Variants in TMEM178B observed in about 807,000 individuals in gnomAD.
TMEM178B encodes the protein transmembrane protein 178B.
Under a neutral mutation model 31.0 loss-of-function variants are expected in TMEM178B, and 5 were observed. The observed-to-expected ratio is 0.16, with a 90% CI of 0.08 to 0.34. The LOEUF is 0.34. Ranked by LOEUF, TMEM178B falls within the 10% of genes least tolerant of loss-of-function variation. TMEM178B has a pLI of 1.00. For missense variants in TMEM178B, 275 were observed against 400.3 expected (o/e 0.69, Z 2.67); for synonymous variants, 164 against 164.0 (o/e 1.00, Z 0.00).
chr7:141,481,275 G>A (rs1039374868), downstream of TMEM178B, among the ~76,000 whole-genome samples: 1 of 152,120 alleles, frequency 6.6e-6, no homozygotes, highest in African/African-American at 2.4e-5. Flanking sequence ...ACAGGTTTAG[G>A]GTCTTTTAAT....
intron 2 of TMEM178B, among the ~76,000 whole-genome samples, chr7:141,373,115 C>T (rs1800148193): frequency 6.6e-6 from 1 of 152,174 alleles, no homozygotes; most frequent in South Asian, 2.1e-4. Flanking sequence ...TTGGGCCTTC[C>T]CCTCAGGACT....
At chr7:141,469,706 T>C (rs112878412) in intron 3 of TMEM178B, among the ~76,000 whole-genome samples, 2,396 of 152,338 alleles carry the variant, frequency 0.016, 69 homozygotes, top group African/African-American at 0.052. Context: ...CAAAAACTTG[T>C]TGTATTAGTT....
At chr7:141,076,012 A>G (rs920098690) in intron 1 of TMEM178B, among the ~76,000 whole-genome samples, 5 of 150,500 alleles carry the variant, frequency 3.3e-5, no homozygotes, top group African/African-American at 1.3e-4. Context: ...GACAGAATCT[A>G]TCTGTTTGTT....
At chr7:141,298,368 C>T (rs536725279) in intron 2 of TMEM178B, among the ~76,000 whole-genome samples, 1 of 152,270 alleles carries the variant, frequency 6.6e-6, no homozygotes, top group East Asian at 1.9e-4. Context: ...TTAATTAGAT[C>T]CCATTTGTCA....
At chr7:141,425,156 G>T (rs1196664650) in intron 2 of TMEM178B, among the ~76,000 whole-genome samples, 1 of 152,226 alleles carries the variant, frequency 6.6e-6, no homozygotes, top group Non-Finnish European at 1.5e-5. Context: ...TGCATAATCA[G>T]TGTTAATTCC....
intron 1 of TMEM178B, among the ~76,000 whole-genome samples, chr7:141,157,909 C>T (rs906592173): frequency 6.6e-6 from 1 of 152,136 alleles, no homozygotes; most frequent in African/African-American, 2.4e-5. Flanking sequence ...CTCTACTGTT[C>T]CCCGCCTCTG....
At chr7:141,347,344 A>C (rs890685352) in intron 2 of TMEM178B, among the ~76,000 whole-genome samples, 2 of 151,942 alleles carry the variant, frequency 1.3e-5, no homozygotes, top group African/African-American at 4.8e-5. Flanking sequence ...TTGTATGCAG[A>C]CTCTAAAGTT....
chr7:141,161,195 G>C (rs1796166131), intron 1 of TMEM178B, among the ~76,000 whole-genome samples: 1 of 152,162 alleles, frequency 6.6e-6, no homozygotes, highest in Non-Finnish European at 1.5e-5. Flanking sequence ...AAGGGGAAGA[G>C]AGATGTAAGG....
intron 2 of TMEM178B, among the ~76,000 whole-genome samples, chr7:141,263,036 A>C (rs1453138332): frequency 6.6e-6 from 1 of 151,992 alleles, no homozygotes; most frequent in Non-Finnish European, 1.5e-5. Context: ...TATTTTCCCC[A>C]TGAGCCTTGA....
At chr7:141,337,271 C>T (rs200676187) in intron 2 of TMEM178B, among the ~76,000 whole-genome samples, 5,840 of 119,930 alleles carry the variant, frequency 0.049, 340 homozygotes, top group African/African-American at 0.14. Flanking sequence ...ACCACCACCA[C>T]CATCACCACT....
At chr7:141,496,904 A>G in the TMEM178B span, among the ~76,000 whole-genome samples, 6 of 152,202 alleles carry the variant, frequency 3.9e-5, no homozygotes, top group Non-Finnish European at 8.8e-5. Context: ...GCATCTCAGT[A>G]TGGGGGTAAG....
intron 2 of TMEM178B, among the ~76,000 whole-genome samples, chr7:141,305,001 T>C (rs1305349067): frequency 6.6e-6 from 1 of 152,154 alleles, no homozygotes; most frequent in African/African-American, 2.4e-5. Context: ...CAGAATAACT[T>C]TTCTGGTGTC....
At chr7:141,333,619 A>C (rs1276289715) in intron 2 of TMEM178B, among the ~76,000 whole-genome samples, 2 of 152,232 alleles carry the variant, frequency 1.3e-5, no homozygotes, top group East Asian at 1.9e-4. Context: ...CTGGAGGAGC[A>C]GCAGCACAGA....
the TMEM178B span, among the ~76,000 whole-genome samples, chr7:141,489,517 TCTTA>T: frequency 6.6e-6 from 1 of 152,158 alleles, no homozygotes; most frequent in Non-Finnish European, 1.5e-5. Flanking sequence ...TATTGTGACC[TCTTA>T]CTTCCCTCAT....
chr7:141,426,743 A>G (rs1258484913), intron 2 of TMEM178B, among the ~76,000 whole-genome samples: 1 of 152,190 alleles, frequency 6.6e-6, no homozygotes, highest in Non-Finnish European at 1.5e-5. Flanking sequence ...ATTTTGACAT[A>G]AGAATAATTA....
At chr7:141,205,110 C>T (rs1796941666) in intron 1 of TMEM178B, among the ~76,000 whole-genome samples, 1 of 152,156 alleles carries the variant, frequency 6.6e-6, no homozygotes, top group Non-Finnish European at 1.5e-5. Flanking sequence ...ACAGGCTGAG[C>T]CATGGCACTT....
At position 141,475,553 on chromosome 7, in the gene TMEM178B, G is replaced by A. The variant is rs1482746061; in HGVS notation, c.*4767G>A. On this transcript the variant is annotated 3_prime_UTR_variant, in exon 4 of 4. Transcript: ENST00000565468. ...CATGACCTCAAAACTTCCCCAATGA[G>A]TGCTTGTCTCTGGGTTGGCAGCTGG... The A allele has an allele frequency of 6.6e-6, 1 of 152,224 alleles. No homozygotes were observed. The highest frequency in any genetic ancestry group is 1.5e-5 in the Non-Finnish European group (1 of 68,076). 9.4% of individuals were successfully genotyped at this position (152,224 alleles called of 1,614,324 possible).
chr7:141,122,195 CAA>C (rs1795419121), intron 1 of TMEM178B, among the ~76,000 whole-genome samples: 1 of 151,154 alleles, frequency 6.6e-6, no homozygotes, highest in Admixed American at 6.6e-5. Context: ...GCTGGATAAG[CAA>C]AGAGAGAACA....
rs1476170371 is a variant in TMEM178B at position 141,198,587 on chromosome 7, T to G, written c.383-14004T>G. 2.0e-5 allele frequency among the ~76,000 whole-genome samples: 3 copies of G among 152,128 alleles called. No homozygotes were observed. In the East Asian group the frequency reaches 5.8e-4, roughly 29 times the overall value. ...GAGAGCTGGGGATTCTTATCAAAAG[T>G]GACATTAAAAAAGTGCCAGACTGGC... On this transcript the variant is annotated intron_variant, in intron 1 of 3. Transcript: ENST00000565468.
Sources: allele counts gnomAD v4.1 joint callset (sites outside exome capture counted in the v4.1 genomes callset), GRCh38; gene constraint gnomAD v4.1.1; transcripts MANE v1.5; gene names NCBI Gene and HGNC (gene_info 2026-07-23, HGNC 2026-07-21).